The following IFT43 variants were observed in gnomAD, a reference collection of about 807,000 sequenced individuals.
IFT43 encodes intraflagellar transport protein 43 homolog.
In IFT43, 33 loss-of-function variants were observed where a neutral mutation model predicts 32.3. The ratio of observed to expected loss-of-function variants is 1.02; its 90% CI spans 0.77 to 1.37. The LOEUF (loss-of-function observed/expected upper bound fraction) is 1.37, where lower values mean the gene tolerates loss of function less well. Among genes scored for constraint, IFT43 ranks in the 40% most tolerant of loss-of-function variants. IFT43 has a pLI of 0.00. For synonymous variants in IFT43, 93 were observed against 98.2 expected, an observed-to-expected ratio of 0.95 and a Z score of 0.31; for missense variants, 274 against 265.9, an observed-to-expected ratio of 1.03 and a Z score of -0.21.
intron 5 of IFT43, among the ~76,000 whole-genome samples, chr14:76,079,075 A>G (rs988995644): frequency 3.9e-5 from 6 of 152,204 alleles, no homozygotes; most frequent in African/African-American, 1.4e-4. Context: ...TGTCTCGACC[A>G]TGGGCAGCTG....
chr14:76,074,617 T>C (rs887833815), intron 5 of IFT43, among the ~76,000 whole-genome samples: 1 of 152,190 alleles, frequency 6.6e-6, no homozygotes, highest in African/African-American at 2.4e-5. Flanking sequence ...CCAATACTGA[T>C]TCTTGTATAA....
At chr14:76,056,091 A>T (rs985389304) in intron 3 of IFT43, among the ~76,000 whole-genome samples, 2 of 152,224 alleles carry the variant, frequency 1.3e-5, no homozygotes, top group African/African-American at 4.8e-5. Context: ...ACAGAACAAA[A>T]CAAAAAATAG....
At position 75,986,203 on chromosome 14, in the gene IFT43, C is replaced by G. The variant is rs1159953506; in HGVS notation, c.54+363C>G. On this transcript the variant is annotated intron_variant, in intron 1 of 8. Coordinates refer to ENST00000314067, the MANE Select transcript of IFT43 (RefSeq NM_001102564.3). Reference sequence around the variant, plus strand: ...GCCCCGGCCGGGGTCGCACTCGCTCCCATCCTAGAGTTTTTCCTTTGGGAC... The same window carrying G: ...GCCCCGGCCGGGGTCGCACTCGCTCGCATCCTAGAGTTTTTCCTTTGGGAC... The G allele has an allele frequency of 3.1e-6, 4 of 1,310,520 alleles. No individual in the cohort carries two copies. The South Asian group carries it at 3.7e-5, about 12-fold the overall frequency. 81.2% of individuals were successfully genotyped at this position (1,310,520 alleles called of 1,614,324 possible). A position where few individuals can be genotyped will look rare whatever the true frequency, so the allele number is the denominator to read the frequency against.
chr14:76,026,276 C>T (rs115832599), intron 3 of IFT43, among the ~76,000 whole-genome samples: 2,135 of 152,134 alleles, frequency 0.014, 56 homozygotes, highest in African/African-American at 0.045. Flanking sequence ...TCAAAAAATA[C>T]GGCCAGGTGT....
chr14:76,063,002 A>G (rs1015118665), intron 5 of IFT43, among the ~76,000 whole-genome samples: 3 of 151,126 alleles, frequency 2.0e-5, no homozygotes, highest in African/African-American at 7.3e-5. Flanking sequence ...TTTGGTAAGC[A>G]GTTAATATAT....
In IFT43 at chr14:75,999,259, A is replaced by AAATTCATTT. The variant is rs1566699461; in HGVS notation, c.147+10282_147+10283insAATTCATTT. Among the ~76,000 whole-genome samples the AAATTCATTT allele has an allele frequency of 4.2e-3, 91 of 21,552 alleles. 2 individuals are homozygous for AAATTCATTT. Among genetic ancestry groups the AAATTCATTT allele is most frequent in the African/African-American group, 0.015 (50 of 3,416 alleles). 14.1% of individuals were successfully genotyped at this position (21,552 alleles called of 152,430 possible). ...TATATATATATATATATATATATAT[A>AAATTCATTT]TATATATATATATGTATATATATTT... On this transcript the variant is annotated intron_variant, in intron 2 of 8. Coordinates refer to ENST00000314067, the MANE Select transcript of IFT43 (RefSeq NM_001102564.3).
chr14:76,049,476 T>G (rs2036872114), intron 3 of IFT43, among the ~76,000 whole-genome samples: 1 of 151,832 alleles, frequency 6.6e-6, no homozygotes. Context: ...TTTTTTACAA[T>G]TATTTCCCTA....
intron 3 of IFT43, among the ~76,000 whole-genome samples, chr14:76,043,861 A>G (rs1192995633): frequency 6.6e-6 from 1 of 152,124 alleles, no homozygotes; most frequent in Non-Finnish European, 1.5e-5. Context: ...ACTGTCCCAC[A>G]TTTCCAGTGC....
chr14:75,988,671 A>G (rs2035577601), intron 1 of IFT43, among the ~76,000 whole-genome samples: 1 of 152,184 alleles, frequency 6.6e-6, no homozygotes, highest in African/African-American at 2.4e-5. Flanking sequence ...GGCGCCCGCC[A>G]CAACGCCAGG....
At chr14:76,048,877 T>G (rs2036858860) in intron 3 of IFT43, among the ~76,000 whole-genome samples, 1 of 152,190 alleles carries the variant, frequency 6.6e-6, no homozygotes, top group Non-Finnish European at 1.5e-5. Context: ...GCTCCCCCAG[T>G]GGCTCGCATG....
At chr14:76,040,134 T>G (rs1045145485) in intron 3 of IFT43, among the ~76,000 whole-genome samples, 6 of 152,156 alleles carry the variant, frequency 3.9e-5, no homozygotes, top group African/African-American at 1.2e-4. Flanking sequence ...TTATTTTTTT[T>G]TGTGGAGACA....
intron 2 of IFT43, among the ~76,000 whole-genome samples, chr14:75,997,537 C>G (rs1409180858): frequency 6.6e-6 from 1 of 152,204 alleles, no homozygotes; most frequent in Admixed American, 6.5e-5. Context: ...ATTTCAGATT[C>G]TATTGCAATG....
chr14:76,034,123 T>C (rs1416354456), intron 3 of IFT43, among the ~76,000 whole-genome samples: 1 of 152,204 alleles, frequency 6.6e-6, no homozygotes, highest in Non-Finnish European at 1.5e-5. Flanking sequence ...AATGGCATTG[T>C]GCTAGATACT....
At chr14:76,012,916 T>A (rs891254702) in intron 2 of IFT43, among the ~76,000 whole-genome samples, 2 of 152,222 alleles carry the variant, frequency 1.3e-5, no homozygotes, top group Admixed American at 6.5e-5. Flanking sequence ...AATTCTAGGA[T>A]CAGGCCTCCT....
intron 5 of IFT43, among the ~76,000 whole-genome samples, chr14:76,060,626 C>G (rs1430703428): frequency 6.6e-6 from 1 of 151,738 alleles, no homozygotes; most frequent in Admixed American, 6.6e-5. Flanking sequence ...TTCCTTCAGC[C>G]TGAAAAACTT....
At chr14:76,046,289 T>TGCGGAGG (rs2036806146) in intron 3 of IFT43, among the ~76,000 whole-genome samples, 1 of 152,054 alleles carries the variant, frequency 6.6e-6, no homozygotes, top group African/African-American at 2.4e-5. Flanking sequence ...TGCGGAGGCT[T>TGCGGAGG]TGTGAGCGGG....
chr14:76,057,566 AAT>A (rs2037043182), intron 3 of IFT43, among the ~76,000 whole-genome samples: 1 of 152,078 alleles, frequency 6.6e-6, no homozygotes. Context: ...AAAAAAAAAA[AAT>A]GAATGTAGAA....
intron 2 of IFT43, among the ~76,000 whole-genome samples, chr14:76,016,221 T>C (rs1265642147): frequency 6.6e-6 from 1 of 152,198 alleles, no homozygotes; most frequent in Non-Finnish European, 1.5e-5. Flanking sequence ...CCATTTTGAT[T>C]TGATTTTTGT....
At chr14:76,050,797 A>G (rs2036899283) in intron 3 of IFT43, among the ~76,000 whole-genome samples, 2 of 152,152 alleles carry the variant, frequency 1.3e-5, no homozygotes, top group Admixed American at 1.3e-4. Flanking sequence ...GGTTTCCTGA[A>G]TAAAAAAATG....
Sources: gnomAD v4.1 joint callset for allele counts (sites outside exome capture counted in the v4.1 genomes callset) on GRCh38, gnomAD v4.1.1 for gene constraint, MANE v1.5 for transcripts, NCBI Gene and HGNC (gene_info 2026-07-23, HGNC 2026-07-21) for gene names.